ZNF385D: variants seen among roughly 807,000 people sequenced by gnomAD.
ZNF385D encodes the protein zinc finger protein 385D.
A neutral mutation model predicts 35.8 loss-of-function variants in ZNF385D; 15 were observed. That is an observed-to-expected ratio of 0.42 (90% confidence interval 0.28 to 0.64). ZNF385D has a LOEUF of 0.64. Ranked by LOEUF, ZNF385D falls within the 30% of genes least tolerant of loss-of-function variation. The pLI is 0.23. For missense variants in ZNF385D, 474 were observed against 494.6 expected (o/e 0.96, Z 0.39); for synonymous variants, 212 against 186.8 (o/e 1.13, Z -1.10).
intron 3 of ZNF385D, among the ~76,000 whole-genome samples, chr3:22,101,461 C>T (rs182998998): frequency 2.7e-4 from 41 of 152,112 alleles, no homozygotes; most frequent in Admixed American, 1.3e-3. Flanking sequence ...TGAAATAACA[C>T]GTATTTGTCA....
intron 2 of ZNF385D, among the ~76,000 whole-genome samples, chr3:21,661,718 T>A (rs906062103): frequency 1.3e-5 from 2 of 152,174 alleles, no homozygotes; most frequent in African/African-American, 4.8e-5. Context: ...TAGCTTCTGT[T>A]GTGGCTCCTT....
At chr3:21,569,569 G>T (rs1484215571) in intron 2 of ZNF385D, among the ~76,000 whole-genome samples, 1 of 150,464 alleles carries the variant, frequency 6.6e-6, no homozygotes, top group Non-Finnish European at 1.5e-5. Context: ...TACATTGAAA[G>T]TTAATATTGT....
chr3:21,806,667 CAT>C (rs1244504687), intron 3 of ZNF385D, among the ~76,000 whole-genome samples: 2 of 152,118 alleles, frequency 1.3e-5, no homozygotes, highest in African/African-American at 2.4e-5. Context: ...TACAAGAAAA[CAT>C]ATGTTATATA....
intron 3 of ZNF385D, among the ~76,000 whole-genome samples, chr3:21,802,737 CCTTTGT>C (rs920723412): frequency 6.6e-6 from 1 of 152,126 alleles, no homozygotes; most frequent in African/African-American, 2.4e-5. Context: ...AGTCTCTGAG[CCTTTGT>C]CTTTGACTCT....
chr3:21,568,301 G>A (rs1048069655), intron 2 of ZNF385D, among the ~76,000 whole-genome samples: 6 of 152,230 alleles, frequency 3.9e-5, no homozygotes, highest in Middle Eastern at 3.4e-3. Context: ...GATACCACAT[G>A]CCGTATAACT....
At chr3:22,272,985 A>G (rs973009753) in intron 2 of ZNF385D, among the ~76,000 whole-genome samples, 1 of 151,938 alleles carries the variant, frequency 6.6e-6, no homozygotes, top group Non-Finnish European at 1.5e-5. Flanking sequence ...TTACTAACTT[A>G]TTTCCTAGAT....
chr3:21,748,363 A>T (rs746399712), intron 1 of ZNF385D, among the ~76,000 whole-genome samples: 1 of 135,098 alleles, frequency 7.4e-6, no homozygotes, highest in African/African-American at 2.7e-5. Context: ...GGAGGAATGA[A>T]TTGAAGCAGA....
chr3:22,297,204 A>G (rs1161475949), intron 2 of ZNF385D, among the ~76,000 whole-genome samples: 1 of 152,116 alleles, frequency 6.6e-6, no homozygotes, highest in Non-Finnish European at 1.5e-5. Flanking sequence ...AAGCTCCCAG[A>G]CTGTGACAAT....
chr3:21,816,488 G>C (rs1343976881), intron 3 of ZNF385D, among the ~76,000 whole-genome samples: 1 of 152,140 alleles, frequency 6.6e-6, no homozygotes, highest in Non-Finnish European at 1.5e-5. Flanking sequence ...AAAGTCTCAA[G>C]ATACAAAATC....
In ZNF385D at chr3:21,874,258, G is replaced by C. The variant is rs148828544; in HGVS notation, c.326-209230C>G. On this transcript the variant is annotated intron_variant, in intron 3 of 5. Coordinates refer to the ZNF385D transcript ENST00000494108. ...CATTTTTCTGATGTTTAATGATGTT[G>C]AGCATCTTTTAATATACTTACTGGC... Among the ~76,000 whole-genome samples the C allele has an allele frequency of 1.1e-4, 16 of 152,004 alleles. No homozygotes were observed. The East Asian group carries it at 2.7e-3, about 26-fold the overall frequency.
At chr3:22,085,546 T>G (rs1175267989) in intron 3 of ZNF385D, among the ~76,000 whole-genome samples, 1 of 152,102 alleles carries the variant, frequency 6.6e-6, no homozygotes, top group African/African-American at 2.4e-5. Context: ...AATCCCTGAA[T>G]AGACCAATAA....
chr3:21,780,577 T>C (rs1018465926), intron 3 of ZNF385D, among the ~76,000 whole-genome samples: 1 of 152,090 alleles, frequency 6.6e-6, no homozygotes, highest in African/African-American at 2.4e-5. Flanking sequence ...CTTTTTCCTT[T>C]CTCTTAGAAC....
At chr3:21,704,717 T>A (rs2067834109) in intron 1 of ZNF385D, among the ~76,000 whole-genome samples, 1 of 152,062 alleles carries the variant, frequency 6.6e-6, no homozygotes. Context: ...CATACTAAAG[T>A]AAAAGCTGCA....
At chr3:21,980,252 T>A (rs1694353728) in intron 3 of ZNF385D, among the ~76,000 whole-genome samples, 1 of 152,168 alleles carries the variant, frequency 6.6e-6, no homozygotes, top group African/African-American at 2.4e-5. Flanking sequence ...TTCAGTTAAT[T>A]CAGCACTGTC....
intron 3 of ZNF385D, among the ~76,000 whole-genome samples, chr3:21,917,345 T>G (rs1374669627): frequency 6.6e-5 from 10 of 152,024 alleles, no homozygotes. Flanking sequence ...GGCAAGAGAA[T>G]CGCTTGAACT....
chr3:22,194,597 C>T (rs1696280241), intron 2 of ZNF385D, among the ~76,000 whole-genome samples: 2 of 151,584 alleles, frequency 1.3e-5, no homozygotes, highest in Non-Finnish European at 2.9e-5. Flanking sequence ...TTTGTGTAAT[C>T]ACCAATAAAA....
At chr3:22,130,169 C>T (rs1703691187) in intron 3 of ZNF385D, among the ~76,000 whole-genome samples, 2 of 152,114 alleles carry the variant, frequency 1.3e-5, no homozygotes, top group South Asian at 4.1e-4. Context: ...TTCATTTTTA[C>T]TGTGGCTAAG....
intron 2 of ZNF385D, among the ~76,000 whole-genome samples, chr3:22,225,604 T>C (rs1459071462): frequency 2.6e-5 from 4 of 152,142 alleles, no homozygotes; most frequent in Admixed American, 6.6e-5. Flanking sequence ...CAAGCAACAA[T>C]TGCCCACTGT....
chr3:21,880,028 T>A (rs1698195586), intron 3 of ZNF385D, among the ~76,000 whole-genome samples: 1 of 151,968 alleles, frequency 6.6e-6, no homozygotes, highest in South Asian at 2.1e-4. Context: ...AATTATTTTT[T>A]AAATATGTAA....
Sources: allele counts gnomAD v4.1 joint callset (sites outside exome capture counted in the v4.1 genomes callset), GRCh38; gene constraint gnomAD v4.1.1; transcripts MANE v1.5; gene names NCBI Gene and HGNC (gene_info 2026-07-23, HGNC 2026-07-21).